Variants in COL4A3 observed in about 807,000 individuals in gnomAD.
COL4A3 encodes collagen type IV alpha 3 chain.
Under a neutral mutation model 217.4 loss-of-function variants are expected in COL4A3, and 135 were observed. The observed-to-expected ratio is 0.62, with a 90% CI of 0.54 to 0.72. The LOEUF is 0.72. Among genes scored for constraint, COL4A3 ranks in the 30% least tolerant of loss-of-function variants. COL4A3 has a pLI of 0.00. For missense variants in COL4A3, 1,868 were observed against 2,119.9 expected, an observed-to-expected ratio of 0.88 and a Z score of 2.33; for synonymous variants, 690 against 736.3, an observed-to-expected ratio of 0.94 and a Z score of 1.02.
intron 34 of COL4A3, among the ~76,000 whole-genome samples, chr2:227,285,634 T>C (rs1303116818): frequency 6.6e-6 from 1 of 152,128 alleles, no homozygotes; most frequent in Non-Finnish European, 1.5e-5. Context: ...TTGGAAAAAA[T>C]ATGAATAGCA....
chr2:227,176,334 T>G (rs1160417068), intron 1 of COL4A3, among the ~76,000 whole-genome samples: 2 of 152,202 alleles, frequency 1.3e-5, no homozygotes, highest in Non-Finnish European at 2.9e-5. Flanking sequence ...AGCGTCGGTA[T>G]TGTATATGTA....
Position 227,280,460 on chromosome 2 carries a change from G to T in COL4A3, c.2244G>T (p.Met748Ile). ...PGAKGEPAVA[M>I]PGGPGTPGFP... ...TGTAGGGAGAACCAGCAGTAGCCATGCCTGGAGGACCAGGAACACCAGGTT... is the reference window on the plus strand; with the variant it reads ...TGTAGGGAGAACCAGCAGTAGCCATTCCTGGAGGACCAGGAACACCAGGTT... Residue 748 changes from methionine (M) to isoleucine (I), a missense_variant, in exon 30 of 52, where the codon ATG (methionine) becomes ATT (isoleucine). By Grantham distance (10) the Met-to-Ile change is conservative. This residue lies in a region of COL4A3 where 1,503 missense variants were observed against 1,786.1 expected (regional missense o/e 0.84). Coordinates refer to ENST00000396578, the MANE Select transcript of COL4A3 (RefSeq NM_000091.5). 6.2e-7 allele frequency: 1 copy of T among 1,614,156 alleles called. No homozygotes were observed. The highest frequency in any genetic ancestry group is 8.5e-7 in the Non-Finnish European group (1 of 1,180,018).
chr2:227,222,728 G>A (rs187918828), intron 1 of COL4A3, among the ~76,000 whole-genome samples: 59 of 152,260 alleles, frequency 3.9e-4, no homozygotes, highest in Admixed American at 9.8e-4. Context: ...CAAGGTCAGA[G>A]GCAGTGAGAA....
At chr2:227,211,581 T>C (rs2067322745) in intron 1 of COL4A3, among the ~76,000 whole-genome samples, 2 of 152,228 alleles carry the variant, frequency 1.3e-5, no homozygotes, top group African/African-American at 2.4e-5. Context: ...ATTTACAATC[T>C]TACCTGGAGG....
rs201665434 is a variant in COL4A3 at position 227,283,809 on chromosome 2, T to C, written c.2699T>C (p.Ile900Thr). 5.1e-5 allele frequency: 83 copies of C among 1,614,100 alleles called. No individual in the cohort carries two copies. In the African/African-American group the frequency reaches 9.7e-4, roughly 19 times the overall value. The change falls in exon 33 of 52, where the codon ATT (isoleucine) becomes ACT (threonine). Residue 900 changes from isoleucine to threonine, a missense_variant. Coordinates refer to ENST00000396578, the MANE Select transcript of COL4A3 (RefSeq NM_000091.5). ...VIGMMGFPGA[I>T]GPPGPPGNPG... The stretch of plus-strand genomic sequence containing the variant: ...GGGATGATGGGCTTTCCTGGAGCCA[T>C]TGGCCCTCCAGGGCCCCCTGGGAAC...
rs1444945938 is a variant in COL4A3 at position 227,303,887 on chromosome 2, A to G, written c.3984A>G (p.Gly1328=). ...AAAAGGGTAATCCTGGATTTCTAGG[A>G]TCCATTGGACCTCCAGGACCAATTG... ...KGEKGNPGFL[G]SIGPPGPIGP... The change falls in exon 45 of 52, where the codon GGA becomes GGG. Residue 1328 remains glycine (G), a synonymous_variant. Transcript: ENST00000396578. 6.2e-7 allele frequency: 1 copy of G among 1,614,196 alleles called. No individual in the cohort carries two copies. Among genetic ancestry groups the G allele is most frequent in the Non-Finnish European group, 8.5e-7 (1 of 1,180,034 alleles).
chr2:227,202,785 C>T lies in COL4A3; in HGVS notation c.88-35183C>T, dbSNP rs1452766734. 4.7e-4 allele frequency among the ~76,000 whole-genome samples: 55 copies of T among 116,860 alleles called. 1 individual carries two copies. Among genetic ancestry groups the T allele is most frequent in the Non-Finnish European group, 8.7e-4 (46 of 53,024 alleles). The allele number at this position is 116,860 out of a possible 152,430, so 76.7% of individuals were successfully genotyped here. On this transcript the variant is annotated intron_variant, in intron 1 of 51. Transcript: ENST00000396578. Reference sequence around the variant, plus strand: ...TATATATATATATCACATATATATACACATGTGTATATATATAATATGTGT... The same window carrying T: ...TATATATATATATCACATATATATATACATGTGTATATATATAATATGTGT...
chr2:227,224,704 G>A (rs959078738), intron 1 of COL4A3, among the ~76,000 whole-genome samples: 5 of 151,664 alleles, frequency 3.3e-5, no homozygotes, highest in Non-Finnish European at 5.9e-5. Flanking sequence ...GCAGTGAGCC[G>A]AGATCATGCC....
rs1006717891 is a variant in COL4A3, at chr2:227,191,395, C to A, written c.87+26582C>A. Among the ~76,000 whole-genome samples the A allele has an allele frequency of 7.9e-5, 12 of 152,012 alleles. No individual in the cohort carries two copies. The highest frequency in any genetic ancestry group is 1.5e-4 in the Non-Finnish European group (10 of 68,010). Reference sequence around the variant, plus strand: ...CAAAAAATTTAAGTGGGTGAGGGGGCAGGAAGAACAATAAAGAAAGCTAAG... The same window carrying A: ...CAAAAAATTTAAGTGGGTGAGGGGGAAGGAAGAACAATAAAGAAAGCTAAG... On this transcript the variant is annotated intron_variant, in intron 1 of 51. Coordinates refer to ENST00000396578, the MANE Select transcript of COL4A3 (RefSeq NM_000091.5). This position sits in a 1 kb window ranked among gnomAD's most constrained non-coding sequence, Gnocchi z 6.8.
Position 227,253,624 on chromosome 2 carries a change from C to T in COL4A3, c.751C>T (p.Pro251Ser). The change falls in exon 13 of 52, where the codon CCA (proline) becomes TCA (serine). Residue 251 changes from proline (P) to serine (S), a missense_variant. This residue lies in a region of COL4A3 where 365 missense variants were observed against 333.8 expected (regional missense o/e 1.09). Coordinates refer to ENST00000396578, the MANE Select transcript of COL4A3 (RefSeq NM_000091.5). The surrounding 1 kb of genome is among the most constrained non-coding windows in gnomAD (Gnocchi z 4.4). ...AACAGTTATTGTGACCCTAACTGGCCCAGATAACAGAACGGTAACTCTGCG... is the reference window on the plus strand; with the variant it reads ...AACAGTTATTGTGACCCTAACTGGCTCAGATAACAGAACGGTAACTCTGCG... ...PGTVIVTLTG[P>S]DNRTDLKGEK... 1 of 1,613,686 alleles carries T rather than the reference C, an allele frequency of 6.2e-7. No homozygotes were observed. The highest frequency in any genetic ancestry group is 1.1e-5 in the South Asian group (1 of 91,054).
In COL4A3 at chr2:227,307,711, A is replaced by G. The variant is rs746341701; in HGVS notation, c.4254A>G (p.Gly1418=). The change falls in exon 48 of 52, where the codon GGA becomes GGG. Residue 1418 remains glycine (G), a splice_region_variant and synonymous_variant. Coordinates refer to ENST00000396578, the MANE Select transcript of COL4A3 (RefSeq NM_000091.5). The part of the protein sequence containing the change: ...KGNKGSKGEP[G]PAGSDGLPGL... ...ACATTTAGAATGTGTTTTTTGAAGGACCAGCTGGATCAGATGGATTGCCAG... is the reference window on the plus strand; with the variant it reads ...ACATTTAGAATGTGTTTTTTGAAGGGCCAGCTGGATCAGATGGATTGCCAG... 5.6e-6 allele frequency: 9 copies of G among 1,613,796 alleles called. No homozygotes were observed. The highest frequency in any genetic ancestry group is 5.0e-5 in the Admixed American group (3 of 59,982).
intron 1 of COL4A3, among the ~76,000 whole-genome samples, chr2:227,190,315 G>C (rs1225463153): frequency 1.3e-5 from 2 of 152,120 alleles, no homozygotes; most frequent in African/African-American, 4.8e-5. Flanking sequence ...TATTTCCTCT[G>C]CTGGCTCTGC....
chr2:227,178,200 C>A lies in COL4A3; in HGVS notation c.87+13387C>A, dbSNP rs116008971. On this transcript the variant is annotated intron_variant, in intron 1 of 51. Coordinates refer to ENST00000396578, the MANE Select transcript of COL4A3 (RefSeq NM_000091.5). ...GAGTTCAAGATCAGCCTGGGTAATA[C>A]AATGTGACCTCTCTCTACCAAAAAT... 2.0e-5 allele frequency among the ~76,000 whole-genome samples: 3 copies of A among 151,956 alleles called. No individual in the cohort carries two copies. In the South Asian group the frequency reaches 6.2e-4, roughly 32 times the overall value.
rs1559896840 is a variant in COL4A3, at chr2:227,282,290, A to ATATATG, written c.2489-70_2489-69insGTATAT. The ATATATG allele has an allele frequency of 4.4e-6, 3 of 686,124 alleles. No individual in the cohort carries two copies. In the African/African-American group the frequency reaches 5.9e-5, roughly 14 times the overall value. 42.5% of individuals were successfully genotyped at this position (686,124 alleles called of 1,614,324 possible). A position where few individuals can be genotyped will look rare whatever the true frequency, so the allele number is the denominator to read the frequency against. On this transcript the variant is annotated intron_variant, in intron 31 of 51. Coordinates refer to ENST00000396578, the MANE Select transcript of COL4A3 (RefSeq NM_000091.5). This position sits in a 1 kb window ranked among gnomAD's most constrained non-coding sequence, Gnocchi z 4.4. ...CCATCTTAAAAATATATATATATAT[A>ATATATG]TATATATATATTTCTGAAGTTAGTA...
intron 37 of COL4A3, among the ~76,000 whole-genome samples, chr2:227,292,046 A>G (rs1574810527): frequency 6.6e-6 from 1 of 152,250 alleles, no homozygotes. Flanking sequence ...AACTAAATGC[A>G]AAATGTTTGA....
intron 1 of COL4A3, among the ~76,000 whole-genome samples, chr2:227,202,763 A>ATATATCATATATATATATATG (rs1553738334): frequency 9.1e-6 from 1 of 109,632 alleles, no homozygotes; most frequent in Non-Finnish European, 1.9e-5. Flanking sequence ...ATATATATAT[A>ATATATCATATATATATATATG]TATATATATC....
rs577361786 is a variant in COL4A3 at position 227,270,567 on chromosome 2, T to G, written c.1576-203T>G. ...TTGTCTGTATTGCTTTGAATTATACTATCTAACTGAATTATTTTTCAGTTT... is the reference window on the plus strand; with the variant it reads ...TTGTCTGTATTGCTTTGAATTATACGATCTAACTGAATTATTTTTCAGTTT... On this transcript the variant is annotated intron_variant, in intron 24 of 51. Coordinates refer to ENST00000396578, the MANE Select transcript of COL4A3 (RefSeq NM_000091.5). Among the ~76,000 whole-genome samples the G allele has an allele frequency of 5.9e-5, 9 of 152,360 alleles. No individual in the cohort carries two copies. In the East Asian group the frequency reaches 1.7e-3, roughly 29 times the overall value.
chr2:227,241,651 G>T (rs538725766), intron 3 of COL4A3, among the ~76,000 whole-genome samples: 2 of 151,184 alleles, frequency 1.3e-5, no homozygotes, highest in South Asian at 4.2e-4. Context: ...TCCAGCCTGG[G>T]TAATAGAGCG....
chr2:227,299,200 C>T (rs954032133), intron 43 of COL4A3, among the ~76,000 whole-genome samples: 1 of 152,200 alleles, frequency 6.6e-6, no homozygotes, highest in Non-Finnish European at 1.5e-5. Flanking sequence ...TCGAGACCAT[C>T]CTGGCTAACA....
Sources: allele counts gnomAD v4.1 joint callset (sites outside exome capture counted in the v4.1 genomes callset), GRCh38; gene constraint gnomAD v4.1.1; regional missense constraint gnomAD v4.1.1; non-coding constraint Gnocchi (gnomAD v3.1); transcripts MANE v1.5; gene names NCBI Gene and HGNC (gene_info 2026-07-23, HGNC 2026-07-21).